Variants in CASD1 observed in about 807,000 individuals in gnomAD.
The protein encoded by CASD1 is N-acetylneuraminate (7)9-O-acetyltransferase.
In CASD1, 41 loss-of-function variants were observed where a neutral mutation model predicts 100.0. That is an observed-to-expected ratio of 0.41 (90% CI 0.32 to 0.53). The LOEUF (loss-of-function observed/expected upper bound fraction) is 0.53. CASD1 is among the 20% of genes least tolerant of loss of function. The probability of loss-of-function intolerance (pLI) is 0.25; values close to 1 mark genes in which losing one functional copy is unlikely to be tolerated. For missense variants in CASD1, 774 were observed against 948.7 expected (o/e 0.82, Z 2.42); for synonymous variants, 321 against 315.6 (o/e 1.02, Z -0.18).
At chr7:94,543,484 T>A (rs1795520248) in intron 10 of CASD1, among the ~76,000 whole-genome samples, 1 of 152,056 alleles carries the variant, frequency 6.6e-6, no homozygotes, top group Admixed American at 6.6e-5. Flanking sequence ...CAAAACCCTG[T>A]CTCTACTAAA....
chr7:94,592,550 C>T, the CASD1 span, among the ~76,000 whole-genome samples: 1 of 152,026 alleles, frequency 6.6e-6, no homozygotes, highest in Non-Finnish European at 1.5e-5. Context: ...ATTATTTTCT[C>T]ATTTTATGTT....
downstream of CASD1, among the ~76,000 whole-genome samples, chr7:94,560,159 G>A (rs544771527): frequency 6.6e-5 from 10 of 152,198 alleles, no homozygotes; most frequent in South Asian, 1.2e-3. Context: ...GCTGATAGAC[G>A]GAATGAATAT....
chr7:94,606,232 AT>A, the CASD1 span, among the ~76,000 whole-genome samples: 3 of 152,196 alleles, frequency 2.0e-5, no homozygotes, highest in African/African-American at 4.8e-5. Flanking sequence ...TTTATAAAAA[AT>A]ATCTACTTTA....
chr7:94,554,361 C>A, intron 16 of CASD1, 122 bp from the exon 17 acceptor site: 1 of 596,758 alleles, frequency 1.7e-6, no homozygotes, highest in Non-Finnish European at 2.9e-6. Context: ...TATAAAAAGA[C>A]TGTTGTATAT....
At chr7:94,576,006 G>A in the CASD1 span, among the ~76,000 whole-genome samples, 7 of 152,224 alleles carry the variant, frequency 4.6e-5, no homozygotes, top group South Asian at 4.2e-4. Context: ...TCTTGAATGC[G>A]TAATGTTTTT....
chr7:94,628,441 T>C, the CASD1 span: 3 of 1,260,876 alleles, frequency 2.4e-6, no homozygotes, highest in African/African-American at 4.4e-5. Context: ...AAACATTCTG[T>C]CTAAAATTTT....
chr7:94,619,265 A>G, the CASD1 span: 1 of 240,572 alleles, frequency 4.2e-6, no homozygotes, highest in East Asian at 1.0e-4. Flanking sequence ...AATTTATAAT[A>G]TTACTGATCT....
At chr7:94,603,397 C>G in the CASD1 span, 1 of 1,613,238 alleles carries the variant, frequency 6.2e-7, no homozygotes. Context: ...TGTGGATTTT[C>G]AACTTCTCGT....
At chr7:94,590,081 CAAT>C in the CASD1 span, 6 of 152,106 alleles carry the variant, frequency 3.9e-5, no homozygotes, top group African/African-American at 1.5e-4. Flanking sequence ...TGGAAAGCCA[CAAT>C]ATATCTCACT....
intron 1 of CASD1, among the ~76,000 whole-genome samples, chr7:94,514,296 G>A (rs1431786487): frequency 6.6e-6 from 1 of 152,100 alleles, no homozygotes; most frequent in African/African-American, 2.4e-5. Context: ...GATACCTCTT[G>A]TAATGAGACA....
At chr7:94,535,216 CAT>C (rs1334037695) in intron 7 of CASD1, 91 bp from the exon 8 acceptor site, 7 of 884,578 alleles carry the variant, frequency 7.9e-6, no homozygotes, top group African/African-American at 3.3e-5. Context: ...TTAAAAATAA[CAT>C]ATGAAATGTG....
the CASD1 span, among the ~76,000 whole-genome samples, chr7:94,607,369 C>T: frequency 1.3e-5 from 2 of 152,038 alleles, no homozygotes; most frequent in Non-Finnish European, 2.9e-5. Context: ...CACACCACAC[C>T]AGCATCTCTC....
the CASD1 span, among the ~76,000 whole-genome samples, chr7:94,571,776 G>T: frequency 6.6e-6 from 1 of 152,020 alleles, no homozygotes; most frequent in Non-Finnish European, 1.5e-5. Flanking sequence ...GCTTCTCTGT[G>T]TGGCAAAATA....
At chr7:94,564,079 A>ACC in the CASD1 span, among the ~76,000 whole-genome samples, 1 of 151,936 alleles carries the variant, frequency 6.6e-6, no homozygotes, top group African/African-American at 2.4e-5. Flanking sequence ...TTTATGACAC[A>ACC]GCAAAAGAGT....
intron 5 of CASD1, among the ~76,000 whole-genome samples, chr7:94,529,490 G>A (rs992970177): frequency 9.9e-5 from 15 of 152,112 alleles, no homozygotes; most frequent in South Asian, 2.1e-4. Flanking sequence ...TGACCACATG[G>A]TCACTTGAGA....
At chr7:94,534,159 ATTTTTTT>A (rs56864121) in intron 7 of CASD1, among the ~76,000 whole-genome samples, 173 of 100,522 alleles carry the variant, frequency 1.7e-3, no homozygotes, top group Non-Finnish European at 2.0e-3. Flanking sequence ...CTGTTTCATA[ATTTTTTT>A]TTTTTTTTTT....
chr7:94,552,977 A>T (rs1195692819), intron 16 of CASD1, among the ~76,000 whole-genome samples: 1 of 152,116 alleles, frequency 6.6e-6, no homozygotes, highest in African/African-American at 2.4e-5. Context: ...TACATGCTAG[A>T]TATTATGCCA....
chr7:94,554,399 A>G (rs1423001613), intron 16 of CASD1, 84 bp from the exon 17 acceptor site: 1 of 819,042 alleles, frequency 1.2e-6, no homozygotes, highest in African/African-American at 1.7e-5. Flanking sequence ...ATAAAGAATA[A>G]GGTTATCATT....
chr7:94,630,039 T>C, the CASD1 span: 1 of 571,808 alleles, frequency 1.7e-6, no homozygotes, highest in Non-Finnish European at 3.0e-6. Flanking sequence ...GAAAAAATTC[T>C]TTTGATTTGT....
Sources: gnomAD v4.1 joint callset for allele counts (sites outside exome capture counted in the v4.1 genomes callset) on GRCh38, gnomAD v4.1.1 for gene constraint, MANE v1.5 for transcripts, NCBI Gene and HGNC (gene_info 2026-07-23, HGNC 2026-07-21) for gene names.